The following SYNE3 variants were observed in gnomAD, a reference collection of about 807,000 sequenced individuals.
SYNE3 encodes the protein spectrin repeat containing nuclear envelope family member 3, also known as nesprin-3.
SYNE3 carries 100 observed loss-of-function variants against 111.2 expected under a neutral mutation model. The observed-to-expected ratio is 0.90, with a 90% CI of 0.77 to 1.06. The LOEUF (loss-of-function observed/expected upper bound fraction) is 1.06, where lower values mean the gene tolerates loss of function less well. Among genes scored for constraint, SYNE3 ranks in the 50% least tolerant of loss-of-function variants. SYNE3 has a pLI of 0.00. For synonymous variants in SYNE3, 547 were observed against 533.9 expected (o/e 1.02, Z -0.34); for missense variants, 1,160 against 1,240.3 (o/e 0.94, Z 0.97).
At chr14:95,508,007 T>G (rs1890590828) in intron 1 of SYNE3, among the ~76,000 whole-genome samples, 1 of 152,114 alleles carries the variant, frequency 6.6e-6, no homozygotes, top group African/African-American at 2.4e-5. Flanking sequence ...CTGGGGGCTG[T>G]GGAGAAAGAG....
At chr14:95,501,609 C>T (rs1728923601) in intron 1 of SYNE3, among the ~76,000 whole-genome samples, 1 of 152,156 alleles carries the variant, frequency 6.6e-6, no homozygotes, top group Admixed American at 6.5e-5. Flanking sequence ...AGAGGGGACA[C>T]AGCAGGGGCA....
intron 17 of SYNE3, among the ~76,000 whole-genome samples, chr14:95,420,713 C>T (rs1219057595): frequency 6.6e-6 from 1 of 151,068 alleles, no homozygotes; most frequent in Admixed American, 6.6e-5. Context: ...CTTAGGAAAA[C>T]ACACACACAC....
At chr14:95,466,382 C>T (rs1415626475) in intron 3 of SYNE3, 142 bp from the exon 4 acceptor site, 2 of 945,020 alleles carry the variant, frequency 2.1e-6, no homozygotes, top group Admixed American at 3.0e-5. Context: ...TCTGAGTCAC[C>T]TGGGCAGCTT....
Position 95,450,358 on chromosome 14 carries a change from T to G in SYNE3, c.1275-253A>C, listed in dbSNP as rs554642274. 2.2e-4 allele frequency: 115 copies of G among 531,016 alleles called. No individual in the cohort carries two copies. The East Asian group carries it at 3.4e-3, about 16-fold the overall frequency. The allele number at this position is 531,016 out of a possible 1,614,324, so 32.9% of individuals were successfully genotyped here. A position where few individuals can be genotyped will look rare whatever the true frequency, so the allele number is the denominator to read the frequency against. ...TCCTGAGGACAGACACTGGGGCTCC[T>G]TGGGACCTGTAGTCTCATATAATTT... On this transcript the variant is annotated intron_variant, in intron 7 of 17. Coordinates refer to ENST00000682763, the MANE Select transcript of SYNE3 (RefSeq NM_152592.6).
At chr14:95,457,628 A>C (rs1887551508) in intron 4 of SYNE3, among the ~76,000 whole-genome samples, 1 of 152,232 alleles carries the variant, frequency 6.6e-6, no homozygotes, top group African/African-American at 2.4e-5. Flanking sequence ...ATGGCATTCA[A>C]GACTGAGGTG....
Position 95,468,009 on chromosome 14 carries a change from G to A in SYNE3, c.145-42C>T, listed in dbSNP as rs752316880. Reference sequence around the variant, plus strand: ...AGCCAGTTTCCAGGGTTGGCAAAAGGCAGACAGGCACAACCTTGGGAAGAT... The same window carrying A: ...AGCCAGTTTCCAGGGTTGGCAAAAGACAGACAGGCACAACCTTGGGAAGAT... On this transcript the variant is annotated intron_variant, in intron 2 of 17. Coordinates refer to ENST00000682763, the MANE Select transcript of SYNE3 (RefSeq NM_152592.6). 28 of 1,582,262 alleles carry A rather than the reference G, an allele frequency of 1.8e-5. No individual in the cohort carries two copies. The Admixed American group carries it at 2.8e-4, about 16-fold the overall frequency.
intron 15 of SYNE3, among the ~76,000 whole-genome samples, chr14:95,433,810 G>A (rs7153218): frequency 0.32 from 48,134 of 152,050 alleles, 7,771 homozygotes; most frequent in East Asian, 0.55. Context: ...GGAAATAGAA[G>A]TACTGTGTTC....
At chr14:95,472,257 G>A (rs570627401) in intron 2 of SYNE3, among the ~76,000 whole-genome samples, 43 of 152,346 alleles carry the variant, frequency 2.8e-4, no homozygotes, top group African/African-American at 1.0e-3. Flanking sequence ...TGACCAAGAC[G>A]GTGGCCCAGA....
intron 2 of SYNE3, among the ~76,000 whole-genome samples, chr14:95,474,454 C>T (rs1888756058): frequency 6.6e-6 from 1 of 152,156 alleles, no homozygotes; most frequent in Admixed American, 6.5e-5. Context: ...ATAGGGATGG[C>T]AGAAAGCAGG....
At position 95,491,873 on chromosome 14, in the gene SYNE3, T is replaced by C. The variant is rs1038481416; in HGVS notation, c.-14-16038A>G. Among the ~76,000 whole-genome samples the C allele has an allele frequency of 3.3e-5, 5 of 150,608 alleles. 1 individual carries two copies. The highest frequency in any genetic ancestry group is 1.9e-4 in the East Asian group (1 of 5,150). ...TCACATATCCGATAAGGGACTTACA[T>C]CTAGAAAATCCAAAGAACTCTTAAA... On this transcript the variant is annotated intron_variant, in intron 1 of 17. Transcript: ENST00000682763.
Position 95,408,515 on chromosome 14 carries a change from A to G in SYNE3, c.*9311T>C, listed in dbSNP as rs1566948269. ...TATGGAGAATGCCAGGGAGAGGCAT[A>G]AAAACTCTGGACTTTGGGTAAAACG... On this transcript the variant is annotated 3_prime_UTR_variant, in exon 18 of 18. Coordinates refer to ENST00000682763, the MANE Select transcript of SYNE3 (RefSeq NM_152592.6). 6.5e-6 allele frequency: 1 copy of G among 153,144 alleles called. No individual in the cohort carries two copies. Among genetic ancestry groups the G allele is most frequent in the Non-Finnish European group, 1.5e-5 (1 of 68,774 alleles). The allele number at this position is 153,144 out of a possible 1,614,324, so 9.5% of individuals were successfully genotyped here. A position where few individuals can be genotyped will look rare whatever the true frequency, so the allele number is the denominator to read the frequency against.
intron 1 of SYNE3, among the ~76,000 whole-genome samples, chr14:95,496,989 C>G (rs1180092354): frequency 6.6e-6 from 1 of 152,210 alleles, no homozygotes; most frequent in Non-Finnish European, 1.5e-5. Context: ...AGCTGCTGGC[C>G]CTCTTTTCAG....
Position 95,470,182 on chromosome 14 carries a change from TG to T in SYNE3, c.145-2216del, listed in dbSNP as rs1475199712. 6.6e-6 allele frequency among the ~76,000 whole-genome samples: 1 copy of T among 152,154 alleles called. No individual in the cohort carries two copies. Among genetic ancestry groups the T allele is most frequent in the Non-Finnish European group, 1.5e-5 (1 of 68,030 alleles). On this transcript the variant is annotated intron_variant, in intron 2 of 17. Transcript: ENST00000682763. This position sits in a 1 kb window ranked among gnomAD's most constrained non-coding sequence, Gnocchi z 4.2. Reference sequence around the variant, plus strand: ...GATGGGGAAAACAAAAGTACCATAGTGGCCAGTGTGGCCTGAAGACCCAAGG... The same window carrying T: ...GATGGGGAAAACAAAAGTACCATAGTGCCAGTGTGGCCTGAAGACCCAAGG...
At chr14:95,492,086 A>G (rs1021464334) in intron 1 of SYNE3, among the ~76,000 whole-genome samples, 1 of 152,248 alleles carries the variant, frequency 6.6e-6, no homozygotes, top group African/African-American at 2.4e-5. Flanking sequence ...ATACTAATTC[A>G]CACCCATTAG....
chr14:95,425,566 C>T (rs964102755), intron 17 of SYNE3, among the ~76,000 whole-genome samples: 1 of 152,176 alleles, frequency 6.6e-6, no homozygotes, highest in Non-Finnish European at 1.5e-5. Context: ...TTGTACAATA[C>T]CAAGAGTTGG....
intron 16 of SYNE3, among the ~76,000 whole-genome samples, chr14:95,432,476 G>A (rs2139373162): frequency 6.6e-6 from 1 of 152,200 alleles, no homozygotes; most frequent in South Asian, 2.1e-4. Flanking sequence ...GCCCTTAAGG[G>A]CCAGCTCACC....
chr14:95,443,805 C>T (rs1334700626), intron 10 of SYNE3: 2 of 152,354 alleles, frequency 1.3e-5, no homozygotes, highest in Admixed American at 1.3e-4. Flanking sequence ...CGCCACCACG[C>T]CTGGCTAAAT....
intron 1 of SYNE3, among the ~76,000 whole-genome samples, chr14:95,481,641 C>G (rs964857618): frequency 6.6e-6 from 1 of 152,280 alleles, no homozygotes; most frequent in African/African-American, 2.4e-5. Flanking sequence ...ATAGGGGAGC[C>G]GGGACAATGC....
chr14:95,497,229 T>G (rs1890130643), intron 1 of SYNE3, among the ~76,000 whole-genome samples: 1 of 152,216 alleles, frequency 6.6e-6, no homozygotes, highest in Non-Finnish European at 1.5e-5. Flanking sequence ...AAACCTGACT[T>G]TGCTGCCAAA....
Sources: gnomAD v4.1 joint callset for allele counts (sites outside exome capture counted in the v4.1 genomes callset) on GRCh38, gnomAD v4.1.1 for gene constraint, Gnocchi (gnomAD v3.1) non-coding constraint, MANE v1.5 for transcripts, NCBI Gene and HGNC (gene_info 2026-07-23, HGNC 2026-07-21) for gene names.